Variants in FOXK1 observed in about 807,000 individuals in gnomAD.
FOXK1 encodes the protein forkhead box protein K1.
FOXK1 carries 19 observed loss-of-function variants against 51.9 expected under a neutral mutation model. The ratio of observed to expected loss-of-function variants is 0.37; its 90% confidence interval spans 0.26 to 0.54. FOXK1 has a LOEUF of 0.54. Ranked by LOEUF, FOXK1 falls within the 20% of genes least tolerant of loss-of-function variation. The pLI is 0.87. For missense variants in FOXK1, 870 were observed against 1,032.7 expected (o/e 0.84, Z 2.16); for synonymous variants, 537 against 482.6 (o/e 1.11, Z -1.48).
At chr7:4,697,292 C>T (rs1221634613) in intron 1 of FOXK1, among the ~76,000 whole-genome samples, 1 of 152,076 alleles carries the variant, frequency 6.6e-6, no homozygotes, top group East Asian at 1.9e-4. Flanking sequence ...CAAGGGAAGG[C>T]AACGTGCTCA....
chr7:4,737,748 G>A (rs1459130989), intron 1 of FOXK1, among the ~76,000 whole-genome samples: 1 of 152,216 alleles, frequency 6.6e-6, no homozygotes, highest in East Asian at 1.9e-4. Flanking sequence ...CAGCTTGGGT[G>A]GATGTCGGCT....
chr7:4,762,353 T>A lies in FOXK1; in HGVS notation c.2091T>A (p.Thr697=). Residue 697 remains threonine (T), a synonymous_variant, in exon 9 of 9, where the codon ACT becomes ACA. Transcript: ENST00000328914. This position sits in a 1 kb window ranked among gnomAD's most constrained non-coding sequence, Gnocchi z 5.7. The part of the protein sequence containing the change: ...ATTASASASS[T]GEPEVKRSRV... ...CCGCCTCTGCCTCCGCCTCTTCCAC[T>A]GGAGAGCCCGAGGTCAAAAGGTCCC... The A allele has an allele frequency of 6.4e-7, 1 of 1,550,690 alleles. No homozygotes were observed. Among genetic ancestry groups the A allele is most frequent in the Middle Eastern group, 1.8e-4 (1 of 5,574 alleles).
At position 4,767,472 on chromosome 7, in the gene FOXK1, C is replaced by G. The variant is rs1054872256; in HGVS notation, c.*5008C>G. ...CTCGCCTCGAGCCTCCTTGACAATA[C>G]CGCTGCTTCAAAGCAATATTATTTA... On this transcript the variant is annotated 3_prime_UTR_variant, in exon 9 of 9. Coordinates refer to ENST00000328914, the MANE Select transcript of FOXK1 (RefSeq NM_001037165.2). The surrounding 1 kb of genome is among the most constrained non-coding windows in gnomAD (Gnocchi z 6.6). 3.9e-5 allele frequency: 6 copies of G among 152,220 alleles called. No homozygotes were observed. Among genetic ancestry groups the G allele is most frequent in the African/African-American group, 1.4e-4 (6 of 41,444 alleles). 9.4% of individuals were successfully genotyped at this position (152,220 alleles called of 1,614,324 possible).
intron 1 of FOXK1, among the ~76,000 whole-genome samples, chr7:4,697,191 A>G (rs1779964101): frequency 6.6e-6 from 1 of 152,124 alleles, no homozygotes; most frequent in African/African-American, 2.4e-5. Flanking sequence ...CATCTGGAGG[A>G]AAAGAGGGAG....
chr7:4,710,663 C>T (rs1020679500), intron 1 of FOXK1, among the ~76,000 whole-genome samples: 4 of 152,182 alleles, frequency 2.6e-5, no homozygotes, highest in African/African-American at 9.7e-5. Flanking sequence ...GCCTTCTGCT[C>T]CTTGTGGGAC....
At position 4,682,967 on chromosome 7, in the gene FOXK1, C is replaced by A; in HGVS notation, c.560+99C>A. 1 of 1,239,120 alleles carries A rather than the reference C, an allele frequency of 8.1e-7. No individual in the cohort carries two copies. The highest frequency in any genetic ancestry group is 1.1e-6 in the Non-Finnish European group (1 of 939,004). The allele number at this position is 1,239,120 out of a possible 1,614,324, so 76.8% of individuals were successfully genotyped here. A position where few individuals can be genotyped will look rare whatever the true frequency, so the allele number is the denominator to read the frequency against. ...GGGGATCCCCCTCCAGCTTCCTCGGCCTCGACCCCCACCCCCCGGCCCACC... is the reference window on the plus strand; with the variant it reads ...GGGGATCCCCCTCCAGCTTCCTCGGACTCGACCCCCACCCCCCGGCCCACC... On this transcript the variant is annotated intron_variant, in intron 1 of 8. Coordinates refer to ENST00000328914, the MANE Select transcript of FOXK1 (RefSeq NM_001037165.2). This position sits in a 1 kb window ranked among gnomAD's most constrained non-coding sequence, Gnocchi z 7.6.
At chr7:4,742,955 T>C (rs1325046677) in intron 2 of FOXK1, among the ~76,000 whole-genome samples, 1 of 152,174 alleles carries the variant, frequency 6.6e-6, no homozygotes, top group African/African-American at 2.4e-5. Context: ...ACAGTGCTGC[T>C]GCGGAAAGGA....
chr7:4,757,197 T>G lies in FOXK1; in HGVS notation c.1244+10T>G. ...GGCCTCTGTCCTCAAGGTAAAGTTC[T>G]CTGAGCGCCCGTCCTCCAGCTGTTA... is the stretch of plus-strand genomic sequence containing the variant. On this transcript the variant is annotated intron_variant, in intron 5 of 8. Coordinates refer to ENST00000328914, the MANE Select transcript of FOXK1 (RefSeq NM_001037165.2). 7 of 1,582,120 alleles carry G rather than the reference T, an allele frequency of 4.4e-6. No homozygotes were observed. Among genetic ancestry groups the G allele is most frequent in the Non-Finnish European group, 6.0e-6 (7 of 1,163,104 alleles).
At chr7:4,695,904 C>A (rs539742533) in intron 1 of FOXK1, among the ~76,000 whole-genome samples, 4 of 150,864 alleles carry the variant, frequency 2.7e-5, no homozygotes, top group African/African-American at 9.8e-5. Context: ...CCATTGCACT[C>A]CAGTCTGGGC....
intron 1 of FOXK1, among the ~76,000 whole-genome samples, chr7:4,699,126 C>T (rs1349914610): frequency 6.6e-6 from 1 of 152,144 alleles, no homozygotes; most frequent in Admixed American, 6.6e-5. Context: ...GTTCATCAGC[C>T]CTTCTTTGTC....
Position 4,715,613 on chromosome 7 carries a change from T to C in FOXK1, c.561-25225T>C, listed in dbSNP as rs1335084269. Among the ~76,000 whole-genome samples the C allele has an allele frequency of 6.6e-6, 1 of 152,200 alleles. No homozygotes were observed. The highest frequency in any genetic ancestry group is 1.5e-5 in the Non-Finnish European group (1 of 68,038). ...TTTGAAATGCTCTGGTGTTGTGAAATACGGAACTTGGCGAGTTCTTGCGGC... is the reference window on the plus strand; with the variant it reads ...TTTGAAATGCTCTGGTGTTGTGAAACACGGAACTTGGCGAGTTCTTGCGGC... On this transcript the variant is annotated intron_variant, in intron 1 of 8. Transcript: ENST00000328914. The surrounding 1 kb of genome is among the most constrained non-coding windows in gnomAD (Gnocchi z 4.5).
At position 4,741,015 on chromosome 7, in the gene FOXK1, C is replaced by T; in HGVS notation, c.738C>T (p.Gly246=). ...TCAGCCCCGTCCCCTCCCCGACGGG[C>T]ACCATCAGGTGAGTAGCCCCCCAGC... ...SMVSPVPSPT[G]TISVPNSCPA... The change falls in exon 2 of 9, where the codon GGC becomes GGT. Residue 246 remains glycine, a synonymous_variant. Transcript: ENST00000328914. 1 of 1,520,702 alleles carries T rather than the reference C, an allele frequency of 6.6e-7. No individual in the cohort carries two copies. The highest frequency in any genetic ancestry group is 1.5e-5 in the African/African-American group (1 of 68,934). The allele number at this position is 1,520,702 out of a possible 1,614,324, so 94.2% of individuals were successfully genotyped here. A position where few individuals can be genotyped will look rare whatever the true frequency, so the allele number is the denominator to read the frequency against.
chr7:4,726,930 T>C (rs893025356), intron 1 of FOXK1, among the ~76,000 whole-genome samples: 44 of 152,188 alleles, frequency 2.9e-4, no homozygotes, highest in Admixed American at 5.2e-4. Context: ...CAGATATTAG[T>C]TGTCAACTAC....
intron 2 of FOXK1, among the ~76,000 whole-genome samples, chr7:4,742,252 G>A (rs1045642483): frequency 7.9e-5 from 12 of 152,250 alleles, no homozygotes; most frequent in African/African-American, 2.9e-4. Flanking sequence ...GGGGACATCT[G>A]TGAAGCACGC....
In FOXK1 at chr7:4,730,371, C is replaced by A. The variant is rs1166387247; in HGVS notation, c.561-10467C>A. On this transcript the variant is annotated intron_variant, in intron 1 of 8. Transcript: ENST00000328914. This position sits in a 1 kb window ranked among gnomAD's most constrained non-coding sequence, Gnocchi z 4.7. ...CTGACCACCCTGCTACCCAGCTTGCCACCGCTGTCAGCCGTGGGGTTCAGG... is the reference window on the plus strand; with the variant it reads ...CTGACCACCCTGCTACCCAGCTTGCAACCGCTGTCAGCCGTGGGGTTCAGG... 2.0e-5 allele frequency among the ~76,000 whole-genome samples: 3 copies of A among 152,224 alleles called. No homozygotes were observed. Among genetic ancestry groups the A allele is most frequent in the Non-Finnish European group, 4.4e-5 (3 of 68,040 alleles).
chr7:4,751,737 G>A (rs1780781920), intron 2 of FOXK1, among the ~76,000 whole-genome samples: 1 of 152,266 alleles, frequency 6.6e-6, no homozygotes, highest in Non-Finnish European at 1.5e-5. Context: ...CAGCCCAGGT[G>A]GCTGGAAAAC....
At chr7:4,759,246 CG>C in intron 6 of FOXK1, 29 bp downstream of exon 6, 1 of 613,934 alleles carries the variant, frequency 1.6e-6, no homozygotes. Flanking sequence ...TCTTGCGGGG[CG>C]GGGCGGGGCG....
At position 4,762,235 on chromosome 7, in the gene FOXK1, C is replaced by T. The variant is rs1004614271; in HGVS notation, c.1973C>T (p.Pro658Leu). The T allele has an allele frequency of 2.6e-6, 4 of 1,554,114 alleles. No homozygotes were observed. Among genetic ancestry groups the T allele is most frequent in the East Asian group, 2.4e-5 (1 of 41,020 alleles). Residue 658 changes from proline to leucine, a missense_variant, in exon 9 of 9, where the codon CCG becomes CTG. Transcript: ENST00000328914. The surrounding 1 kb of genome is among the most constrained non-coding windows in gnomAD (Gnocchi z 5.7). ...GCGACCCAAGCGAGTTCATCCGCGCCGGTGGTGGTCACCCGGGTGTGCGAG... is the reference window on the plus strand; with the variant it reads ...GCGACCCAAGCGAGTTCATCCGCGCTGGTGGTGGTCACCCGGGTGTGCGAG... ...LLATQASSSA[P>L]VVVTRVCEVG... is the part of the protein sequence containing the mutation.
chr7:4,736,439 G>A (rs1780553427), intron 1 of FOXK1, among the ~76,000 whole-genome samples: 1 of 147,792 alleles, frequency 6.8e-6, no homozygotes, highest in Non-Finnish European at 1.5e-5. Context: ...TTAAGACAGA[G>A]TTTTGCTCTG....
Sources: allele counts gnomAD v4.1 joint callset (sites outside exome capture counted in the v4.1 genomes callset), GRCh38; gene constraint gnomAD v4.1.1; non-coding constraint Gnocchi (gnomAD v3.1); transcripts MANE v1.5; gene names NCBI Gene and HGNC (gene_info 2026-07-23, HGNC 2026-07-21).